CDS2: variants seen among roughly 807,000 people sequenced by gnomAD.
CDS2 encodes the protein CDP-diacylglycerol synthase 2.
In CDS2, 47 loss-of-function variants were observed where a neutral mutation model predicts 59.0. The observed-to-expected ratio is 0.80, with a 90% CI of 0.63 to 1.02. The LOEUF (loss-of-function observed/expected upper bound fraction) is 1.02. CDS2 is among the 50% of genes least tolerant of loss of function. CDS2 has a pLI of 0.00. For missense variants in CDS2, 356 were observed against 558.9 expected (o/e 0.64, Z 3.66); for synonymous variants, 207 against 206.4 (o/e 1.00, Z -0.02).
Position 5,195,279 on chromosome 20 carries a change from C to G in CDS2, c.*5045C>G, listed in dbSNP as rs941719347. On this transcript the variant is annotated 3_prime_UTR_variant, in exon 13 of 13. Coordinates refer to ENST00000460006, the MANE Select transcript of CDS2 (RefSeq NM_003818.4). ...TGCCAGAGATGGGATTGTCAGCCAC[C>G]ACACTGCCACCACCCTGCACACAGT... 1.3e-5 allele frequency: 2 copies of G among 152,392 alleles called. No individual in the cohort carries two copies. The highest frequency in any genetic ancestry group is 4.8e-5 in the African/African-American group (2 of 41,416). 9.4% of individuals were successfully genotyped at this position (152,392 alleles called of 1,614,324 possible). A position where few individuals can be genotyped will look rare whatever the true frequency, so the allele number is the denominator to read the frequency against.
At position 5,140,121 on chromosome 20, in the gene CDS2, A is replaced by G. The variant is rs190594939; in HGVS notation, c.57+12972A>G. Among the ~76,000 whole-genome samples, 315 of 152,254 alleles carry G rather than the reference A, an allele frequency of 2.1e-3. 1 individual carries two copies. Among genetic ancestry groups the G allele is most frequent in the African/African-American group, 6.3e-3 (260 of 41,556 alleles). ...CCGGCCAGCATCAATTGAAATGATC[A>G]TATGGTTTTTGTCCTTTATTCTGTT... On this transcript the variant is annotated intron_variant, in intron 1 of 12. Transcript: ENST00000460006.
At chr20:5,155,431 T>C (rs1358292657) in intron 1 of CDS2, among the ~76,000 whole-genome samples, 1 of 152,208 alleles carries the variant, frequency 6.6e-6, no homozygotes, top group Non-Finnish European at 1.5e-5. Flanking sequence ...TTTTATAATC[T>C]CAAAGTCTAA....
intron 2 of CDS2, 112 bp downstream of exon 2, chr20:5,173,771 C>A: frequency 8.2e-7 from 1 of 1,223,226 alleles, no homozygotes; most frequent in Non-Finnish European, 1.2e-6. Context: ...CGCTGTCTTG[C>A]CTCAGCCTCC....
At chr20:5,134,744 T>G (rs1354242076) in intron 1 of CDS2, among the ~76,000 whole-genome samples, 2 of 152,122 alleles carry the variant, frequency 1.3e-5, no homozygotes, top group Non-Finnish European at 2.9e-5. Context: ...TGGTCTCAAA[T>G]TCCTGACTTC....
chr20:5,127,327 G>A (rs879790988), intron 1 of CDS2, among the ~76,000 whole-genome samples, 178 bp downstream of exon 1: 1 of 152,130 alleles, frequency 6.6e-6, no homozygotes, highest in African/African-American at 2.4e-5. Context: ...CGCGCGTCAG[G>A]GGTCGGCGGG....
intron 1 of CDS2, among the ~76,000 whole-genome samples, chr20:5,160,803 A>G (rs73586429): frequency 6.6e-6 from 1 of 152,248 alleles, no homozygotes; most frequent in African/African-American, 2.4e-5. Context: ...GTGGAATCAT[A>G]TATTTGTCCT....
At chr20:5,171,907 T>C (rs1432617291) in intron 1 of CDS2, among the ~76,000 whole-genome samples, 1 of 152,234 alleles carries the variant, frequency 6.6e-6, no homozygotes, top group Non-Finnish European at 1.5e-5. Flanking sequence ...GCCGTCTTTA[T>C]TGGGCCTTTA....
rs760232070 is a variant in CDS2, at chr20:5,192,679, C to T, written c.*2445C>T. ...ACTGCAACTGTGTGCCCTCCCTTGT[C>T]GTGAATTCCCTGTTTATCACTTCCA... On this transcript the variant is annotated 3_prime_UTR_variant, in exon 13 of 13. Coordinates refer to ENST00000460006, the MANE Select transcript of CDS2 (RefSeq NM_003818.4). 3 of 152,086 alleles carry T rather than the reference C, an allele frequency of 2.0e-5. No homozygotes were observed. The highest frequency in any genetic ancestry group is 6.5e-5 in the Admixed American group (1 of 15,270). The allele number at this position is 152,086 out of a possible 1,614,324, so 9.4% of individuals were successfully genotyped here. A position where few individuals can be genotyped will look rare whatever the true frequency, so the allele number is the denominator to read the frequency against.
intron 4 of CDS2, among the ~76,000 whole-genome samples, 159 bp from the exon 5 acceptor site, chr20:5,178,658 G>A (rs555925974): frequency 4.6e-5 from 7 of 152,168 alleles, no homozygotes; most frequent in Non-Finnish European, 1.0e-4. Flanking sequence ...TCACCAGAGA[G>A]CAGGAAACCA....
At chr20:5,133,364 A>G (rs571944844) in intron 1 of CDS2, among the ~76,000 whole-genome samples, 79 of 150,932 alleles carry the variant, frequency 5.2e-4, no homozygotes, top group Middle Eastern at 6.9e-3. Context: ...CCATCCTCCT[A>G]CCTCAGTCTC....
chr20:5,190,044 C>T (rs998818242), intron 12 of CDS2, 58 bp from the exon 13 acceptor site: 1 of 1,589,954 alleles, frequency 6.3e-7, no homozygotes, highest in Admixed American at 1.7e-5. Context: ...CTCAGATAAT[C>T]AGGCCCTGGA....
chr20:5,133,994 AAAATGTT>A (rs1282780027), intron 1 of CDS2, among the ~76,000 whole-genome samples: 1 of 152,230 alleles, frequency 6.6e-6, no homozygotes, highest in Non-Finnish European at 1.5e-5. Flanking sequence ...TAAATCTTTC[AAAATGTT>A]AAATGTTAAA....
At chr20:5,177,524 T>C (rs899674206) in intron 4 of CDS2, among the ~76,000 whole-genome samples, 3 of 152,164 alleles carry the variant, frequency 2.0e-5, no homozygotes, top group African/African-American at 7.2e-5. Context: ...CCCTTTCTGA[T>C]CTGAAACTCT....
At position 5,171,788 on chromosome 20, in the gene CDS2, G is replaced by A. The variant is rs115905635; in HGVS notation, c.58-1735G>A. Among the ~76,000 whole-genome samples, 1,399 of 152,282 alleles carry A rather than the reference G, an allele frequency of 9.2e-3. 21 individuals are homozygous for A. Among genetic ancestry groups the A allele is most frequent in the African/African-American group, 0.032 (1,346 of 41,538 alleles). On this transcript the variant is annotated intron_variant, in intron 1 of 12. Coordinates refer to ENST00000460006, the MANE Select transcript of CDS2 (RefSeq NM_003818.4). ...TATAAGGTGAAGACGCCAAAGTACA[G>A]AGGCACTTGGGTGACTTATCCAGAG...
At chr20:5,141,244 G>A (rs890700535) in intron 1 of CDS2, among the ~76,000 whole-genome samples, 1 of 152,236 alleles carries the variant, frequency 6.6e-6, no homozygotes, top group African/African-American at 2.4e-5. Context: ...AGGCTAAGAA[G>A]AATCTGAACA....
At chr20:5,145,418 G>A (rs554426278) in intron 1 of CDS2, among the ~76,000 whole-genome samples, 1 of 152,224 alleles carries the variant, frequency 6.6e-6, no homozygotes, top group African/African-American at 2.4e-5. Flanking sequence ...AATAGAGCTT[G>A]TAATTTGCAT....
Position 5,176,764 on chromosome 20 carries a change from C to G in CDS2, c.389+19C>G. On this transcript the variant is annotated intron_variant, in intron 4 of 12. Transcript: ENST00000460006. ...TCAGCTGGTAAGCTCTCCGGCCCCA[C>G]AGAGGCTTTTAGAATTTGGATGATG... 6.4e-7 allele frequency: 1 copy of G among 1,570,888 alleles called. No individual in the cohort carries two copies. The highest frequency in any genetic ancestry group is 8.8e-7 in the Non-Finnish European group (1 of 1,140,606).
chr20:5,136,769 T>TA (rs1392517298), intron 1 of CDS2, among the ~76,000 whole-genome samples: 2 of 152,200 alleles, frequency 1.3e-5, no homozygotes, highest in Non-Finnish European at 2.9e-5. Flanking sequence ...AGATCCTTTG[T>TA]AGTCTTCTGT....
intron 1 of CDS2, among the ~76,000 whole-genome samples, chr20:5,151,950 GAC>G (rs996139210): frequency 2.7e-5 from 4 of 149,906 alleles, no homozygotes; most frequent in African/African-American, 7.4e-5. Flanking sequence ...TTTTAATAGA[GAC>G]AGGGTTTCTC....
Sources: allele counts gnomAD v4.1 joint callset (sites outside exome capture counted in the v4.1 genomes callset), GRCh38; gene constraint gnomAD v4.1.1; transcripts MANE v1.5; gene names NCBI Gene and HGNC (gene_info 2026-07-23, HGNC 2026-07-21).